The following SMAD2 variants were observed in gnomAD, a reference collection of about 807,000 sequenced individuals.
The protein encoded by SMAD2 is MAD homolog 2.
In SMAD2, 8 loss-of-function variants were observed where a neutral mutation model predicts 64.4. The observed-to-expected ratio is 0.12, with a 90% CI of 0.07 to 0.22. The LOEUF is 0.22. Among genes scored for constraint, SMAD2 ranks in the 10% least tolerant of loss-of-function variants. The pLI, the probability that SMAD2 is intolerant of heterozygous loss-of-function variation, is 1.00. For synonymous variants in SMAD2, 203 were observed against 195.8 expected, an observed-to-expected ratio of 1.04 and a Z score of -0.31; for missense variants, 289 against 561.2, an observed-to-expected ratio of 0.51 and a Z score of 4.90.
In SMAD2 at chr18:47,815,858, T is replaced by C. The variant is rs962294222; in HGVS notation, c.*25969A>G. The stretch of plus-strand genomic sequence containing the variant: ...CATGTATGCTGTAGGAAAAAGCTAG[T>C]GGTGCCAGAGTTTAAGTTTTCAGAG... On this transcript the variant is annotated 3_prime_UTR_variant, in exon 11 of 11. Transcript: ENST00000262160. 1.3e-5 allele frequency: 2 copies of C among 152,232 alleles called. No individual in the cohort carries two copies. Among genetic ancestry groups the C allele is most frequent in the African/African-American group, 4.8e-5 (2 of 41,448 alleles). The allele number at this position is 152,232 out of a possible 1,614,324, so 9.4% of individuals were successfully genotyped here.
chr18:47,869,522 T>C lies in SMAD2; in HGVS notation c.327-86A>G, dbSNP rs370710918. On this transcript the variant is annotated intron_variant, in intron 3 of 10. Coordinates refer to ENST00000262160, the MANE Select transcript of SMAD2 (RefSeq NM_005901.6). ...AGTCAAATGGGCTAAATTAGTACAA[T>C]AAAAGCATAAAGAAAAGAATGACAG... 3.5e-4 allele frequency: 313 copies of C among 881,704 alleles called. 1 individual carries two copies. In the African/African-American group the frequency reaches 5.1e-3, roughly 14 times the overall value. 54.6% of individuals were successfully genotyped at this position (881,704 alleles called of 1,614,324 possible). A position where few individuals can be genotyped will look rare whatever the true frequency, so the allele number is the denominator to read the frequency against.
chr18:47,884,574 T>C lies in SMAD2; in HGVS notation c.236+11947A>G, dbSNP rs72912401. Among the ~76,000 whole-genome samples the C allele has an allele frequency of 5.8e-3, 886 of 152,304 alleles. 9 individuals carry two copies. Among genetic ancestry groups the C allele is most frequent in the Non-Finnish European group, 0.01 (689 of 68,030 alleles). ...AACATTTACACAACATGTTTAATTA[T>C]AAAAACTGAAGATTTCACTGTAAGA... On this transcript the variant is annotated intron_variant, in intron 2 of 10. Coordinates refer to ENST00000262160, the MANE Select transcript of SMAD2 (RefSeq NM_005901.6).
In SMAD2 at chr18:47,821,842, TTTGA is replaced by T. The variant is rs1351638011; in HGVS notation, c.*19981_*19984del. ...ACTTTCTGCATTGCTTCTTAAGTCTTTTGATTATCATTCTTGTTAAATATTTTAT... is the reference window on the plus strand; with the variant it reads ...ACTTTCTGCATTGCTTCTTAAGTCTTTTATCATTCTTGTTAAATATTTTAT... On this transcript the variant is annotated 3_prime_UTR_variant, in exon 11 of 11. Transcript: ENST00000262160. The T allele has an allele frequency of 1.3e-5, 2 of 152,222 alleles. No homozygotes were observed. The highest frequency in any genetic ancestry group is 4.8e-5 in the African/African-American group (2 of 41,452). 9.4% of individuals were successfully genotyped at this position (152,222 alleles called of 1,614,324 possible).
At chr18:47,862,352 G>C (rs190951645) in intron 6 of SMAD2, among the ~76,000 whole-genome samples, 245 of 152,226 alleles carry the variant, frequency 1.6e-3, no homozygotes, top group African/African-American at 5.8e-3. Flanking sequence ...TTTTTTCAGA[G>C]CTTTGAAGGA....
Position 47,836,064 on chromosome 18 carries a change from C to A in SMAD2, c.*5763G>T. The A allele has an allele frequency of 4.6e-6, 1 of 215,344 alleles. No homozygotes were observed. Among genetic ancestry groups the A allele is most frequent in the South Asian group, 1.9e-4 (1 of 5,374 alleles). 13.3% of individuals were successfully genotyped at this position (215,344 alleles called of 1,614,324 possible). ...TCTCATGGCACCAAACCAACTGGCA[C>A]TGAAGTTAAGTTAATATACTCCAGC... is the stretch of plus-strand genomic sequence containing the variant. On this transcript the variant is annotated 3_prime_UTR_variant, in exon 11 of 11. Transcript: ENST00000262160.
At chr18:47,925,498 AC>A (rs1318890623) in intron 1 of SMAD2, among the ~76,000 whole-genome samples, 1 of 152,158 alleles carries the variant, frequency 6.6e-6, no homozygotes, top group Non-Finnish European at 1.5e-5. Flanking sequence ...GTCTAAATCC[AC>A]CTGGCTTGGA....
intron 2 of SMAD2, among the ~76,000 whole-genome samples, chr18:47,874,167 AAAATATTTTTGTAGCAACTG>A (rs1324185317): frequency 6.6e-6 from 1 of 152,188 alleles, no homozygotes; most frequent in African/African-American, 2.4e-5. Context: ...CATTTCAGCA[AAAATATTTTTGTAGCAACTG>A]ACAAGCTGAT....
intron 1 of SMAD2, chr18:47,923,458 G>C (rs1319986173): frequency 6.6e-6 from 1 of 152,222 alleles, no homozygotes; most frequent in African/African-American, 2.4e-5. Context: ...GTAGCCATCA[G>C]CTGCATATGG....
chr18:47,820,866 C>CACTATAT lies in SMAD2; in HGVS notation c.*20960_*20961insATATAGT, dbSNP rs1252770459. On this transcript the variant is annotated 3_prime_UTR_variant, in exon 11 of 11. Transcript: ENST00000262160. ...TACATATGCTATATATTTGTATATACACGATAGTGTAAATGCTATACATGC... is the reference window on the plus strand; with the variant it reads ...TACATATGCTATATATTTGTATATACACTATATACGATAGTGTAAATGCTATACATGC... 4.7e-5 allele frequency: 7 copies of CACTATAT among 149,996 alleles called. No individual in the cohort carries two copies. Among genetic ancestry groups the CACTATAT allele is most frequent in the African/African-American group, 1.5e-4 (6 of 40,458 alleles). 9.3% of individuals were successfully genotyped at this position (149,996 alleles called of 1,614,324 possible).
At chr18:47,856,035 T>TA (rs147920584) in intron 6 of SMAD2, among the ~76,000 whole-genome samples, 2,309 of 152,156 alleles carry the variant, frequency 0.015, 60 homozygotes, top group African/African-American at 0.053. Flanking sequence ...TATCCTGCCT[T>TA]AAAAAGGGAG....
chr18:47,871,853 C>T (rs1178207660), intron 2 of SMAD2, among the ~76,000 whole-genome samples: 1 of 147,898 alleles, frequency 6.8e-6, no homozygotes, highest in African/African-American at 2.5e-5. Flanking sequence ...GTTTAAATCA[C>T]AACAGAATCA....
intron 2 of SMAD2, among the ~76,000 whole-genome samples, chr18:47,883,049 T>A (rs898472222): frequency 3.3e-5 from 5 of 152,214 alleles, no homozygotes; most frequent in African/African-American, 1.2e-4. Context: ...AAGAACTCGC[T>A]TTTGGCTTTC....
chr18:47,912,128 G>A (rs1270393946), intron 1 of SMAD2: 1 of 152,188 alleles, frequency 6.6e-6, no homozygotes, highest in Non-Finnish European at 1.5e-5. Context: ...GTTTTCTAAA[G>A]ACAGGAAACG....
intron 1 of SMAD2, among the ~76,000 whole-genome samples, chr18:47,924,541 A>G (rs1326403779): frequency 6.6e-6 from 1 of 150,702 alleles, no homozygotes; most frequent in Non-Finnish European, 1.5e-5. Context: ...GGCTAACTGC[A>G]ACCTCGGCCT....
intron 1 of SMAD2, among the ~76,000 whole-genome samples, chr18:47,921,690 C>T (rs2034567268): frequency 6.6e-6 from 1 of 152,164 alleles, no homozygotes. Flanking sequence ...TGTCTCCTTT[C>T]ATTGAATGGC....
intron 6 of SMAD2, among the ~76,000 whole-genome samples, chr18:47,857,780 G>T (rs1222405998): frequency 6.6e-6 from 1 of 152,196 alleles, no homozygotes; most frequent in Non-Finnish European, 1.5e-5. Flanking sequence ...AATCGAAGAA[G>T]CTGCAAGCAC....
At chr18:47,846,724 A>G (rs1224655169) in intron 8 of SMAD2, among the ~76,000 whole-genome samples, 3 of 152,172 alleles carry the variant, frequency 2.0e-5, no homozygotes, top group African/African-American at 7.2e-5. Flanking sequence ...CAAGCTCCAG[A>G]TAAGAACACA....
intron 1 of SMAD2, among the ~76,000 whole-genome samples, chr18:47,897,670 T>A (rs1311679608): frequency 6.6e-6 from 1 of 152,178 alleles, no homozygotes; most frequent in Non-Finnish European, 1.5e-5. Context: ...TCCCTGTAGG[T>A]CATTCCTTAT....
At chr18:47,897,616 G>C (rs1459253078) in intron 1 of SMAD2, among the ~76,000 whole-genome samples, 2 of 151,984 alleles carry the variant, frequency 1.3e-5, no homozygotes, top group African/African-American at 2.4e-5. Flanking sequence ...TCCTTATTTT[G>C]TATATCTTGA....
Sources: allele counts gnomAD v4.1 joint callset (sites outside exome capture counted in the v4.1 genomes callset), GRCh38; gene constraint gnomAD v4.1.1; transcripts MANE v1.5; gene names NCBI Gene and HGNC (gene_info 2026-07-23, HGNC 2026-07-21).